Variants in BCAS3 observed in about 807,000 individuals in gnomAD.
BCAS3 encodes BCAS3 microtubule associated cell migration factor.
In BCAS3, 53 loss-of-function variants were observed where a neutral mutation model predicts 116.1. The ratio of observed to expected loss-of-function variants is 0.46; its 90% CI spans 0.37 to 0.57. The LOEUF (loss-of-function observed/expected upper bound fraction) is 0.57. Ranked by LOEUF, BCAS3 falls within the 20% of genes least tolerant of loss-of-function variation. BCAS3 has a pLI of 0.00. For synonymous variants in BCAS3, 391 were observed against 408.2 expected (o/e 0.96, Z 0.51); for missense variants, 917 against 1,165.4 (o/e 0.79, Z 3.10).
intron 5 of BCAS3, among the ~76,000 whole-genome samples, chr17:60,725,032 T>G (rs571281822): frequency 2.6e-5 from 4 of 152,238 alleles, no homozygotes; most frequent in African/African-American, 7.2e-5. Flanking sequence ...AAAAAAGTTT[T>G]TTTTGTAGAG....
intron 4 of BCAS3, among the ~76,000 whole-genome samples, chr17:60,697,582 CAAAAAAAAAAAAA>C (rs758307797): frequency 1.7e-5 from 1 of 59,000 alleles, no homozygotes; most frequent in Admixed American, 1.9e-4. Context: ...GACTCTGTCT[CAAAAAAAAAAAAA>C]AAAAAAAAGA....
At chr17:61,295,146 G>A (rs2052772202) in intron 22 of BCAS3, among the ~76,000 whole-genome samples, 1 of 152,204 alleles carries the variant, frequency 6.6e-6, no homozygotes, top group Non-Finnish European at 1.5e-5. Flanking sequence ...AGCCCTTGGA[G>A]GGTATGCTCC....
intron 22 of BCAS3, among the ~76,000 whole-genome samples, chr17:61,121,681 A>G (rs1305359840): frequency 3.3e-5 from 5 of 152,356 alleles, no homozygotes; most frequent in South Asian, 2.1e-4. Context: ...AGTTTTTCCA[A>G]AGTTTTCTTT....
rs749761311 is a variant in BCAS3 at position 61,118,291 on chromosome 17, C to T, written c.2425+33727C>T. Among the ~76,000 whole-genome samples the T allele has an allele frequency of 4.6e-5, 7 of 152,178 alleles. No individual in the cohort carries two copies. Among genetic ancestry groups the T allele is most frequent in the Admixed American group, 1.3e-4 (2 of 15,278 alleles). On this transcript the variant is annotated intron_variant, in intron 22 of 23. Coordinates refer to ENST00000407086, the MANE Select transcript of BCAS3 (RefSeq NM_017679.5). The surrounding 1 kb of genome is among the most constrained non-coding windows in gnomAD (Gnocchi z 5.0). Reference sequence around the variant, plus strand: ...GAGAGATGGAAGTCCCGGCTCCCAACGTAGTCTCCAATGACAGTGCATTAG... The same window carrying T: ...GAGAGATGGAAGTCCCGGCTCCCAATGTAGTCTCCAATGACAGTGCATTAG...
chr17:61,046,398 A>G (rs2068354362), intron 19 of BCAS3, among the ~76,000 whole-genome samples: 1 of 151,518 alleles, frequency 6.6e-6, no homozygotes. Context: ...AAATATAGTC[A>G]TTCCTTGGTG....
In BCAS3 at chr17:60,723,719, T is replaced by C. The variant is rs1288083467; in HGVS notation, c.321+14394T>C. Among the ~76,000 whole-genome samples the C allele has an allele frequency of 3.0e-3, 373 of 125,918 alleles. 2 individuals carry two copies. Among genetic ancestry groups the C allele is most frequent in the African/African-American group, 0.012 (357 of 29,078 alleles). The allele number at this position is 125,918 out of a possible 152,430, so 82.6% of individuals were successfully genotyped here. ...ACTTTTTCACTTTCTTTCTTTTTTTTTTTTTTTTTTTTTTTTTGAGATGAA... is the reference window on the plus strand; with the variant it reads ...ACTTTTTCACTTTCTTTCTTTTTTTCTTTTTTTTTTTTTTTTTGAGATGAA... On this transcript the variant is annotated intron_variant, in intron 5 of 23. Coordinates refer to ENST00000407086, the MANE Select transcript of BCAS3 (RefSeq NM_017679.5).
chr17:61,245,810 GA>G (rs11454334), intron 22 of BCAS3, among the ~76,000 whole-genome samples: 9 of 150,990 alleles, frequency 6.0e-5, no homozygotes, highest in African/African-American at 1.9e-4. Context: ...CTCATTGAAA[GA>G]AAAAAAAAGA....
intron 6 of BCAS3, among the ~76,000 whole-genome samples, chr17:60,786,569 AT>A: frequency 6.6e-6 from 1 of 151,100 alleles, no homozygotes; most frequent in African/African-American, 2.4e-5. Context: ...ATATATATAT[AT>A]AAAATGTGTC....
At chr17:60,683,928 C>A in intron 2 of BCAS3, 54 bp from the exon 3 acceptor site, 1 of 1,417,118 alleles carries the variant, frequency 7.1e-7, no homozygotes, top group Non-Finnish European at 9.8e-7. Flanking sequence ...GAGCTTTTTT[C>A]ATGTTCTATA....
intron 14 of BCAS3, among the ~76,000 whole-genome samples, chr17:60,976,426 A>AAT (rs749719738): frequency 3.3e-4 from 46 of 138,274 alleles, no homozygotes; most frequent in East Asian, 9.8e-4. Context: ...TTTTGGAAAC[A>AAT]ATATATATAT....
chr17:61,307,177 C>T lies in BCAS3; in HGVS notation c.2426-61150C>T, dbSNP rs932926778. Among the ~76,000 whole-genome samples the T allele has an allele frequency of 6.6e-6, 1 of 152,234 alleles. No homozygotes were observed. Among genetic ancestry groups the T allele is most frequent in the Non-Finnish European group, 1.5e-5 (1 of 68,040 alleles). ...AGTGAAGAGCCTAGCCTAGTGCCGG[C>T]CCAAGTTGGGACTTGCTGAACATTG... On this transcript the variant is annotated intron_variant, in intron 22 of 23. Coordinates refer to ENST00000407086, the MANE Select transcript of BCAS3 (RefSeq NM_017679.5). This position sits in a 1 kb window ranked among gnomAD's most constrained non-coding sequence, Gnocchi z 4.7.
At position 61,390,683 on chromosome 17, in the gene BCAS3, G is replaced by C. The variant is rs1467256775; in HGVS notation, c.2594-1294G>C. 1 of 152,336 alleles carries C rather than the reference G, an allele frequency of 6.6e-6. No homozygotes were observed. Among genetic ancestry groups the C allele is most frequent in the African/African-American group, 2.4e-5 (1 of 41,474 alleles). The allele number at this position is 152,336 out of a possible 1,614,324, so 9.4% of individuals were successfully genotyped here. On this transcript the variant is annotated intron_variant, in intron 23 of 23. Transcript: ENST00000407086. This position sits in a 1 kb window ranked among gnomAD's most constrained non-coding sequence, Gnocchi z 6.8. ...CTGGCTGGTGTTGGCCAGCCCAGGA[G>C]TGAAGGCCATGACCCCTTCATTCCC... is the stretch of plus-strand genomic sequence containing the variant.
intron 22 of BCAS3, among the ~76,000 whole-genome samples, chr17:61,109,121 G>C (rs2143717594): frequency 6.6e-6 from 1 of 151,620 alleles, no homozygotes; most frequent in Non-Finnish European, 1.5e-5. Flanking sequence ...AGGAGGCGGA[G>C]GTTGCAGTGA....
At chr17:60,728,019 G>GGCT (rs2040077105) in intron 5 of BCAS3, among the ~76,000 whole-genome samples, 1 of 151,892 alleles carries the variant, frequency 6.6e-6, no homozygotes, top group Admixed American at 6.6e-5. Context: ...ATGTTACCCA[G>GGCT]GCTGTTCTGG....
rs2051355587 is a variant in BCAS3, at chr17:61,282,830, T to A, written c.2426-85497T>A. 6.6e-6 allele frequency among the ~76,000 whole-genome samples: 1 copy of A among 152,084 alleles called. No individual in the cohort carries two copies. Among genetic ancestry groups the A allele is most frequent in the Admixed American group, 6.5e-5 (1 of 15,268 alleles). On this transcript the variant is annotated intron_variant, in intron 22 of 23. Transcript: ENST00000407086. This position sits in a 1 kb window ranked among gnomAD's most constrained non-coding sequence, Gnocchi z 5.9. ...TTTAAACATTTTTTATCCAGATAAT[T>A]TTTTCACAGAGGGAAATGCACAGAG...
chr17:60,928,947 C>T (rs886981664), intron 13 of BCAS3, among the ~76,000 whole-genome samples: 1 of 152,158 alleles, frequency 6.6e-6, no homozygotes, highest in Admixed American at 6.5e-5. Context: ...GAGGAAACTG[C>T]ATTGCTATTT....
chr17:61,292,388 C>T (rs2052509238), intron 22 of BCAS3, among the ~76,000 whole-genome samples: 1 of 152,112 alleles, frequency 6.6e-6, no homozygotes, highest in Non-Finnish European at 1.5e-5. Context: ...TGGTGGCTCA[C>T]ACCTGTAATC....
chr17:60,971,094 T>TGG (rs2061933208), intron 14 of BCAS3, among the ~76,000 whole-genome samples: 1 of 152,212 alleles, frequency 6.6e-6, no homozygotes, highest in Non-Finnish European at 1.5e-5. Context: ...GTCATTTCCA[T>TGG]CAGTGAATAG....
intron 22 of BCAS3, among the ~76,000 whole-genome samples, chr17:61,172,035 A>AG (rs1246260977): frequency 2.6e-5 from 4 of 152,202 alleles, no homozygotes; most frequent in Admixed American, 1.3e-4. Context: ...ATAATTACAA[A>AG]GGGGTCAGTT....
Sources: gnomAD v4.1 joint callset for allele counts (sites outside exome capture counted in the v4.1 genomes callset) on GRCh38, gnomAD v4.1.1 for gene constraint, Gnocchi (gnomAD v3.1) non-coding constraint, MANE v1.5 for transcripts, NCBI Gene and HGNC (gene_info 2026-07-23, HGNC 2026-07-21) for gene names.